Variants in PLCE1 observed in about 807,000 individuals in gnomAD.
The protein encoded by PLCE1 is phospholipase C epsilon 1, also known as 1-phosphatidylinositol 4,5-bisphosphate phosphodiesterase epsilon-1.
PLCE1 carries 119 observed loss-of-function variants against 242.8 expected under a neutral mutation model. The ratio of observed to expected loss-of-function variants is 0.49; its 90% CI spans 0.42 to 0.57. PLCE1 has a LOEUF of 0.57. PLCE1 is among the 20% of genes least tolerant of loss of function. PLCE1 has a pLI of 0.00. For synonymous variants in PLCE1, 945 were observed against 1,017.4 expected (o/e 0.93, Z 1.35); for missense variants, 2,441 against 2,788.8 (o/e 0.88, Z 2.81).
At chr10:94,323,231 C>T (rs2053886738) in intron 30 of PLCE1, among the ~76,000 whole-genome samples, 1 of 152,204 alleles carries the variant, frequency 6.6e-6, no homozygotes, top group Non-Finnish European at 1.5e-5. Flanking sequence ...TACATGGTTT[C>T]AGAGAAGTTT....
intron 11 of PLCE1, 63 bp from the exon 12 acceptor site, chr10:94,258,737 G>A (rs964185481): frequency 6.8e-6 from 11 of 1,608,800 alleles, no homozygotes; most frequent in Non-Finnish European, 8.5e-6. Context: ...GAGCAAGTCT[G>A]GTGGGACAGA....
chr10:94,106,759 G>C (rs899738526), intron 2 of PLCE1, among the ~76,000 whole-genome samples: 1 of 151,686 alleles, frequency 6.6e-6, no homozygotes, highest in African/African-American at 2.4e-5. Flanking sequence ...CTTCTTAACC[G>C]TTCCAGTCCT....
chr10:94,187,257 G>T (rs2048510701), intron 4 of PLCE1, among the ~76,000 whole-genome samples: 1 of 151,572 alleles, frequency 6.6e-6, no homozygotes, highest in South Asian at 2.1e-4. Context: ...AAGAAACATG[G>T]GCATTAAATT....
At chr10:94,296,889 T>C (rs1205025540) in intron 23 of PLCE1, among the ~76,000 whole-genome samples, 1 of 152,162 alleles carries the variant, frequency 6.6e-6, no homozygotes, top group African/African-American at 2.4e-5. Flanking sequence ...TCTTTTTTTT[T>C]TTGAGGCAGA....
Position 94,298,635 on chromosome 10 carries a change from G to C in PLCE1, c.5424G>C (p.Gly1808=), listed in dbSNP as rs369762328. ...ACCCCCTCATGTTCTGGCTCCATGG[G>C]ATACAGCTTGTGGCACTCAACTACC... The part of the protein sequence containing the change: ...NPNPLMFWLH[G]IQLVALNYQT... The change falls in exon 24 of 33, where the codon GGG becomes GGC. Residue 1808 remains glycine, a synonymous_variant. Coordinates refer to ENST00000371380, the MANE Select transcript of PLCE1 (RefSeq NM_016341.4). The surrounding 1 kb of genome is among the most constrained non-coding windows in gnomAD (Gnocchi z 5.2). 1.5e-5 allele frequency: 24 copies of C among 1,614,124 alleles called. No individual in the cohort carries two copies. The African/African-American group carries it at 3.1e-4, about 21-fold the overall frequency.
intron 3 of PLCE1, among the ~76,000 whole-genome samples, chr10:94,155,262 T>C (rs181731544): frequency 1.4e-4 from 22 of 152,208 alleles, no homozygotes; most frequent in Admixed American, 3.9e-4. Context: ...ATAAACAAAA[T>C]GTGGTATATA....
chr10:94,209,158 G>A (rs116908362), intron 4 of PLCE1, among the ~76,000 whole-genome samples: 1,734 of 152,270 alleles, frequency 0.011, 11 homozygotes, highest in Middle Eastern at 0.031. Flanking sequence ...TGTAAAACAG[G>A]ACATCTGGGT....
Position 94,330,139 on chromosome 10 carries a change from G to A in PLCE1, c.*2196G>A, listed in dbSNP as rs1250142782. On this transcript the variant is annotated 3_prime_UTR_variant, in exon 33 of 33. Coordinates refer to ENST00000371380, the MANE Select transcript of PLCE1 (RefSeq NM_016341.4). ...CAAGATGAAAAGACTCGTCTCTTTA[G>A]GTTTATCACATTTGATTCTGATGCT... The A allele has an allele frequency of 6.7e-6, 1 of 148,870 alleles. No individual in the cohort carries two copies. The highest frequency in any genetic ancestry group is 1.5e-5 in the Non-Finnish European group (1 of 67,368). 9.2% of individuals were successfully genotyped at this position (148,870 alleles called of 1,614,324 possible). A position where few individuals can be genotyped will look rare whatever the true frequency, so the allele number is the denominator to read the frequency against.
chr10:94,053,361 A>G (rs913440690), intron 2 of PLCE1, among the ~76,000 whole-genome samples: 38 of 152,248 alleles, frequency 2.5e-4, no homozygotes, highest in African/African-American at 8.7e-4. Flanking sequence ...TGTGACTACT[A>G]ATCGTAAGAA....
chr10:94,310,975 CAA>C (rs535997702), intron 27 of PLCE1, among the ~76,000 whole-genome samples: 68 of 152,174 alleles, frequency 4.5e-4, no homozygotes, highest in Non-Finnish European at 8.4e-4. Flanking sequence ...TCCTCAGATT[CAA>C]GAGTTTGCTA....
At chr10:94,093,842 G>A (rs2135399847) in intron 2 of PLCE1, among the ~76,000 whole-genome samples, 1 of 151,658 alleles carries the variant, frequency 6.6e-6, no homozygotes, top group South Asian at 2.1e-4. Flanking sequence ...AAGACAGAGA[G>A]CCAAGTACAG....
chr10:94,290,843 G>A (rs1383894680), intron 22 of PLCE1, among the ~76,000 whole-genome samples: 1 of 152,122 alleles, frequency 6.6e-6, no homozygotes, highest in Non-Finnish European at 1.5e-5. Context: ...ATAATTGTAT[G>A]TGCTAGACTT....
intron 2 of PLCE1, among the ~76,000 whole-genome samples, chr10:94,115,163 A>C (rs553540439): frequency 6.6e-6 from 1 of 151,510 alleles, no homozygotes; most frequent in African/African-American, 2.4e-5. Context: ...AATCCAGTCT[A>C]TCATTGTTGG....
At chr10:94,149,155 A>T (rs2047201620) in intron 3 of PLCE1, among the ~76,000 whole-genome samples, 1 of 152,218 alleles carries the variant, frequency 6.6e-6, no homozygotes, top group African/African-American at 2.4e-5. Context: ...CCATTGTAAG[A>T]AATCTACCCC....
intron 3 of PLCE1, among the ~76,000 whole-genome samples, chr10:94,159,779 C>G (rs548410707): frequency 2.4e-4 from 36 of 152,240 alleles, no homozygotes; most frequent in African/African-American, 8.2e-4. Flanking sequence ...TTCCCCCTCC[C>G]CACAACAGGC....
At chr10:94,196,659 G>A (rs1206415915) in intron 4 of PLCE1, among the ~76,000 whole-genome samples, 1 of 152,008 alleles carries the variant, frequency 6.6e-6, no homozygotes, top group African/African-American at 2.4e-5. Context: ...AAAAGACTTT[G>A]AGAGAGAGGA....
In PLCE1 at chr10:94,132,219, T is replaced by G. The variant is rs768583952; in HGVS notation, c.1252T>G (p.Ser418Ala). The G allele has an allele frequency of 1.7e-5, 27 of 1,613,918 alleles. No individual in the cohort carries two copies. In the Admixed American group the frequency reaches 3.7e-4, roughly 22 times the overall value. ...RREETENTVG[S>A]LLHFLTKLPA... is the part of the protein sequence containing the mutation. Reference sequence around the variant, plus strand: ...AGAAGAAACAGAAAATACAGTTGGATCTCTACTCCATTTCCTCACCAAGCT... The same window carrying G: ...AGAAGAAACAGAAAATACAGTTGGAGCTCTACTCCATTTCCTCACCAAGCT... The change falls in exon 3 of 33, where the codon TCT becomes GCT. Residue 418 changes from serine to alanine, a missense_variant. Coordinates refer to ENST00000371380, the MANE Select transcript of PLCE1 (RefSeq NM_016341.4).
rs80069439 is a variant in PLCE1, at chr10:94,198,372, A to G, written c.1809+26876A>G. Reference sequence around the variant, plus strand: ...CTTGGCAAATATGAATAAGTTGCTTAGTAGGTAATTAGCTTCTTTGAACCT... The same window carrying G: ...CTTGGCAAATATGAATAAGTTGCTTGGTAGGTAATTAGCTTCTTTGAACCT... On this transcript the variant is annotated intron_variant, in intron 4 of 32. Transcript: ENST00000371380. 9.8e-3 allele frequency among the ~76,000 whole-genome samples: 1,495 copies of G among 152,358 alleles called. 7 individuals are homozygous for G. The highest frequency in any genetic ancestry group is 0.015 in the Non-Finnish European group (1,051 of 68,036).
chr10:94,162,100 T>C (rs1170790558), intron 3 of PLCE1, among the ~76,000 whole-genome samples: 1 of 152,220 alleles, frequency 6.6e-6, no homozygotes, highest in Non-Finnish European at 1.5e-5. Flanking sequence ...TCATCAGGGA[T>C]ATTGGTCTAA....
Sources: allele counts gnomAD v4.1 joint callset (sites outside exome capture counted in the v4.1 genomes callset), GRCh38; gene constraint gnomAD v4.1.1; non-coding constraint Gnocchi (gnomAD v3.1); transcripts MANE v1.5; gene names NCBI Gene and HGNC (gene_info 2026-07-23, HGNC 2026-07-21).